VPS50: variants seen among roughly 807,000 people sequenced by gnomAD.
The protein encoded by VPS50 is VPS50 subunit of EARP/GARPII complex.
In VPS50, 70 loss-of-function variants were observed where a neutral mutation model predicts 139.7. The ratio of observed to expected loss-of-function variants is 0.50; its 90% confidence interval spans 0.41 to 0.61. The LOEUF (loss-of-function observed/expected upper bound fraction) is 0.61. VPS50 is among the 20% of genes least tolerant of loss of function. VPS50 has a pLI of 0.00. For synonymous variants in VPS50, 365 were observed against 376.7 expected, an observed-to-expected ratio of 0.97 and a Z score of 0.36; for missense variants, 921 against 1,133.7, an observed-to-expected ratio of 0.81 and a Z score of 2.69.
rs759974036 is a variant in VPS50 at position 93,297,122 on chromosome 7, C to T, written c.1263-23C>T. 9.7e-6 allele frequency: 15 copies of T among 1,549,290 alleles called. No homozygotes were observed. The African/African-American group carries it at 2.0e-4, about 21-fold the overall frequency. On this transcript the variant is annotated intron_variant, in intron 15 of 27. Transcript: ENST00000305866. ...TCTATAAGGCTGCTGCTGAAATTTA[C>T]TGAAACCTTTTTATCCAACTAGGTT...
At chr7:93,290,322 A>G (rs1457011370) in intron 12 of VPS50, among the ~76,000 whole-genome samples, 1 of 151,946 alleles carries the variant, frequency 6.6e-6, no homozygotes, top group Admixed American at 6.6e-5. Flanking sequence ...ATACCAGCCC[A>G]TATGCTGTGA....
chr7:93,324,210 A>G (rs1797701285), intron 21 of VPS50, among the ~76,000 whole-genome samples: 1 of 152,202 alleles, frequency 6.6e-6, no homozygotes, highest in Non-Finnish European at 1.5e-5. Flanking sequence ...GGTTTTCTAG[A>G]TATACAATCA....
chr7:93,288,050 A>C (rs1271507611), intron 12 of VPS50, among the ~76,000 whole-genome samples: 1 of 152,094 alleles, frequency 6.6e-6, no homozygotes, highest in Non-Finnish European at 1.5e-5. Context: ...AATGAGGATT[A>C]ACGTCTCATC....
At chr7:93,279,612 G>A (rs1377663407) in intron 12 of VPS50, among the ~76,000 whole-genome samples, 1 of 152,154 alleles carries the variant, frequency 6.6e-6, no homozygotes, top group Non-Finnish European at 1.5e-5. Context: ...ACTTGTGTGA[G>A]AGCAAATGTG....
chr7:93,333,010 A>G (rs185690590), intron 21 of VPS50, among the ~76,000 whole-genome samples: 3 of 152,088 alleles, frequency 2.0e-5, no homozygotes, highest in African/African-American at 7.2e-5. Context: ...GGGGGAGGGA[A>G]CTCTATTATG....
intron 2 of VPS50, among the ~76,000 whole-genome samples, chr7:93,241,468 TA>T (rs1794988664): frequency 6.6e-6 from 1 of 152,106 alleles, no homozygotes; most frequent in Non-Finnish European, 1.5e-5. Flanking sequence ...AGTTAAATAA[TA>T]AAACAGTTAA....
At chr7:93,236,870 A>T (rs1332945070) in intron 1 of VPS50, among the ~76,000 whole-genome samples, 1 of 151,060 alleles carries the variant, frequency 6.6e-6, no homozygotes, top group African/African-American at 2.4e-5. Flanking sequence ...ATGGTTAATC[A>T]TCACAGAATG....
At chr7:93,288,472 G>A (rs780493930) in intron 12 of VPS50, among the ~76,000 whole-genome samples, 11 of 152,022 alleles carry the variant, frequency 7.2e-5, no homozygotes, top group Non-Finnish European at 1.0e-4. Context: ...CATTGTTTGA[G>A]GTATACCTTC....
intron 16 of VPS50, among the ~76,000 whole-genome samples, chr7:93,298,654 T>C (rs935318460): frequency 2.6e-5 from 4 of 152,254 alleles, no homozygotes; most frequent in African/African-American, 7.2e-5. Flanking sequence ...GTCTGTCATC[T>C]GTAGCAACTA....
At chr7:93,292,865 GAGA>G (rs1303473249) in intron 13 of VPS50, among the ~76,000 whole-genome samples, 6 of 152,096 alleles carry the variant, frequency 3.9e-5, no homozygotes, top group African/African-American at 1.4e-4. Context: ...GAAAGGCAGA[GAGA>G]AGGTTGGGCA....
At chr7:93,250,603 C>CTAGGCAATACCATTCAGGACA (rs1162792986) in intron 2 of VPS50, among the ~76,000 whole-genome samples, 37 of 151,968 alleles carry the variant, frequency 2.4e-4, no homozygotes, top group Non-Finnish European at 4.0e-4. Context: ...AGAAGAAAAC[C>CTAGGCAATACCATTCAGGACA]TAGGCAATAC....
chr7:93,278,773 ATAG>A (rs10558002), intron 12 of VPS50, among the ~76,000 whole-genome samples: 11,012 of 150,060 alleles, frequency 0.073, 433 homozygotes, highest in East Asian at 0.18. Context: ...TATACGTGTG[ATAG>A]TAGGTGATAT....
intron 22 of VPS50, among the ~76,000 whole-genome samples, chr7:93,336,341 T>C (rs1350836808): frequency 1.3e-5 from 2 of 152,210 alleles, no homozygotes; most frequent in Non-Finnish European, 1.5e-5. Context: ...GTAAATTCAA[T>C]GTAAACTAAG....
intron 2 of VPS50, among the ~76,000 whole-genome samples, chr7:93,250,714 A>C (rs1025611172): frequency 2.6e-5 from 4 of 152,202 alleles, no homozygotes; most frequent in African/African-American, 7.2e-5. Flanking sequence ...TAAACTAAAG[A>C]GCTTCTGCAC....
intron 25 of VPS50, 84 bp downstream of exon 25, chr7:93,350,117 G>T: frequency 1.2e-6 from 1 of 864,666 alleles, no homozygotes; most frequent in South Asian, 2.2e-5. Flanking sequence ...AAAATAGTAA[G>T]ATTATAGTTA....
rs140084817 is a variant in VPS50, at chr7:93,305,360, C to G, written c.1453-468C>G. Among the ~76,000 whole-genome samples the G allele has an allele frequency of 2.0e-4, 31 of 151,964 alleles. No individual in the cohort carries two copies. In the East Asian group the frequency reaches 5.4e-3, roughly 26 times the overall value. On this transcript the variant is annotated intron_variant, in intron 17 of 27. Coordinates refer to ENST00000305866, the MANE Select transcript of VPS50 (RefSeq NM_017667.4). ...AAAGTAAATGAAAGTTTGTAGGCGT[C>G]AATGTAACACAGATATGTACTTCAT...
chr7:93,237,756 T>C (rs1386957477), intron 1 of VPS50, among the ~76,000 whole-genome samples: 1 of 152,232 alleles, frequency 6.6e-6, no homozygotes, highest in Admixed American at 6.5e-5. Flanking sequence ...AAATTTTTTT[T>C]ATTTTTAGTT....
rs1411837953 is a variant in VPS50, at chr7:93,360,140, G to C, written c.*1704G>C. 6.6e-6 allele frequency: 1 copy of C among 152,104 alleles called. No individual in the cohort carries two copies. The highest frequency in any genetic ancestry group is 2.4e-5 in the African/African-American group (1 of 41,436). 9.4% of individuals were successfully genotyped at this position (152,104 alleles called of 1,614,324 possible). A position where few individuals can be genotyped will look rare whatever the true frequency, so the allele number is the denominator to read the frequency against. ...CAATCTTTTAAAATTTGCAGTTGAT[G>C]AAGAGCTGCTTATTTTTCTCTTCTA... On this transcript the variant is annotated 3_prime_UTR_variant, in exon 28 of 28. Coordinates refer to ENST00000305866, the MANE Select transcript of VPS50 (RefSeq NM_017667.4).
At chr7:93,276,375 G>A in intron 12 of VPS50, 70 bp downstream of exon 12, 5 of 1,434,828 alleles carry the variant, frequency 3.5e-6, no homozygotes, top group South Asian at 1.6e-5. Flanking sequence ...CCTTTATCTT[G>A]GTACATACCT....
Sources: allele counts gnomAD v4.1 joint callset (sites outside exome capture counted in the v4.1 genomes callset), GRCh38; gene constraint gnomAD v4.1.1; transcripts MANE v1.5; gene names NCBI Gene and HGNC (gene_info 2026-07-23, HGNC 2026-07-21).